The following SCEL variants were observed in gnomAD, a reference collection of about 807,000 sequenced individuals.
The protein encoded by SCEL is sciellin.
Under a neutral mutation model 117.6 loss-of-function variants are expected in SCEL, and 113 were observed. The observed-to-expected ratio is 0.96, with a 90% CI of 0.83 to 1.12. SCEL has a LOEUF of 1.12. SCEL is among the 50% of genes most tolerant of loss of function. The probability of loss-of-function intolerance (pLI) is 0.00; values close to 1 mark genes in which losing one functional copy is unlikely to be tolerated. For synonymous variants in SCEL, 270 were observed against 256.2 expected (o/e 1.05, Z -0.51); for missense variants, 785 against 810.8 (o/e 0.97, Z 0.39).
intron 1 of SCEL, among the ~76,000 whole-genome samples, chr13:77,555,531 G>A (rs1238694560): frequency 6.6e-6 from 1 of 152,140 alleles, no homozygotes; most frequent in Non-Finnish European, 1.5e-5. Flanking sequence ...CCAGCACCAG[G>A]CTCAGTGCCA....
intron 10 of SCEL, among the ~76,000 whole-genome samples, chr13:77,589,916 T>C (rs1345953095): frequency 6.6e-6 from 1 of 152,130 alleles, no homozygotes; most frequent in Non-Finnish European, 1.5e-5. Context: ...ATTTAAACTG[T>C]TTAATATATC....
At chr13:77,620,994 C>T (rs1386864875) in intron 27 of SCEL, among the ~76,000 whole-genome samples, 1 of 151,990 alleles carries the variant, frequency 6.6e-6, no homozygotes, top group Non-Finnish European at 1.5e-5. Flanking sequence ...TGTTTCATTC[C>T]CCATAATCAA....
chr13:77,575,126 C>T (rs754520939), intron 9 of SCEL, among the ~76,000 whole-genome samples: 26 of 152,210 alleles, frequency 1.7e-4, no homozygotes, highest in Non-Finnish European at 3.5e-4. Flanking sequence ...TCCCATCTCT[C>T]ATTTGTCCCT....
chr13:77,590,001 G>A (rs1198290641), intron 10 of SCEL, among the ~76,000 whole-genome samples: 1 of 152,094 alleles, frequency 6.6e-6, no homozygotes, highest in Non-Finnish European at 1.5e-5. Context: ...ACTCAACGGA[G>A]ATTGACTACA....
chr13:77,581,723 C>T (rs936319127), intron 9 of SCEL, among the ~76,000 whole-genome samples: 1 of 152,198 alleles, frequency 6.6e-6, no homozygotes, highest in African/African-American at 2.4e-5. Context: ...CACCATTTCT[C>T]CTAGTATTGC....
At chr13:77,593,295 T>TGTGTGTGC (rs796907419) in intron 11 of SCEL, among the ~76,000 whole-genome samples, 10 of 136,882 alleles carry the variant, frequency 7.3e-5, no homozygotes, top group East Asian at 2.1e-4. Context: ...TGTGTGTGTG[T>TGTGTGTGC]GTCTGTGTGT....
chr13:77,614,027 T>G, intron 24 of SCEL, 72 bp downstream of exon 24: 1 of 1,208,848 alleles, frequency 8.3e-7, no homozygotes, highest in Non-Finnish European at 1.2e-6. Flanking sequence ...TGATTTAGAA[T>G]TATTCTATGG....
rs539964100 is a variant in SCEL at position 77,615,429 on chromosome 13, A to T, written c.1451+1474A>T. On this transcript the variant is annotated intron_variant, in intron 24 of 32. Transcript: ENST00000349847. Reference sequence around the variant, plus strand: ...ATAGGAGTGTTGCTCTTGCTGTGGGATGGCCAGGACGTGTTTTTTACTGTT... The same window carrying T: ...ATAGGAGTGTTGCTCTTGCTGTGGGTTGGCCAGGACGTGTTTTTTACTGTT... 2.6e-5 allele frequency among the ~76,000 whole-genome samples: 4 copies of T among 152,220 alleles called. No individual in the cohort carries two copies. In the South Asian group the frequency reaches 8.3e-4, roughly 32 times the overall value.
chr13:77,559,731 G>A, intron 3 of SCEL, 73 bp from the exon 4 acceptor site: 4 of 1,357,640 alleles, frequency 2.9e-6, no homozygotes, highest in East Asian at 2.3e-5. Flanking sequence ...TCGCCCGCAT[G>A]TCTCTCTCAT....
At chr13:77,632,178 A>C (rs138800219) in intron 28 of SCEL, among the ~76,000 whole-genome samples, 113 of 152,298 alleles carry the variant, frequency 7.4e-4, no homozygotes, top group African/African-American at 2.6e-3. Flanking sequence ...TAAACATGTA[A>C]ATTTTGGGGG....
Position 77,550,531 on chromosome 13 carries a change from C to T in SCEL, c.-19-5326C>T, listed in dbSNP as rs2084256535. Among the ~76,000 whole-genome samples, 4 of 152,062 alleles carry T rather than the reference C, an allele frequency of 2.6e-5. No homozygotes were observed. The South Asian group carries it at 8.3e-4, about 32-fold the overall frequency. ...TAGCAGTCACTCTTCATTCACCTCTCCCCTTAACCCCTGGAAAACACTAAT... is the reference window on the plus strand; with the variant it reads ...TAGCAGTCACTCTTCATTCACCTCTTCCCTTAACCCCTGGAAAACACTAAT... On this transcript the variant is annotated intron_variant, in intron 1 of 32. Transcript: ENST00000349847.
chr13:77,575,641 G>A (rs1052154497), intron 9 of SCEL, among the ~76,000 whole-genome samples: 4 of 152,252 alleles, frequency 2.6e-5, no homozygotes, highest in East Asian at 1.9e-4. Context: ...AAATGTTCAC[G>A]AGAGAATCTA....
intron 27 of SCEL, among the ~76,000 whole-genome samples, chr13:77,619,016 T>C (rs1243070924): frequency 6.6e-6 from 1 of 152,214 alleles, no homozygotes; most frequent in Non-Finnish European, 1.5e-5. Flanking sequence ...TAATAAGTAA[T>C]AGATAATGCA....
chr13:77,550,294 G>A (rs1394716507), intron 1 of SCEL, among the ~76,000 whole-genome samples: 2 of 151,522 alleles, frequency 1.3e-5, no homozygotes, highest in Non-Finnish European at 2.9e-5. Flanking sequence ...GCTGAGGCAC[G>A]AGAATTACTT....
intron 4 of SCEL, among the ~76,000 whole-genome samples, chr13:77,562,114 T>G (rs570194126): frequency 6.6e-6 from 1 of 152,120 alleles, no homozygotes; most frequent in Non-Finnish European, 1.5e-5. Flanking sequence ...CATCAGTAGC[T>G]GTGTTAAGAG....
At chr13:77,634,223 G>C (rs1317334013) in intron 28 of SCEL, among the ~76,000 whole-genome samples, 156 bp from the exon 29 acceptor site, 1 of 152,190 alleles carries the variant, frequency 6.6e-6, no homozygotes, top group Non-Finnish European at 1.5e-5. Context: ...AATTTTTGCA[G>C]TGCTGTGTTA....
intron 1 of SCEL, among the ~76,000 whole-genome samples, chr13:77,554,176 C>T (rs2084514085): frequency 1.3e-5 from 2 of 152,148 alleles, no homozygotes; most frequent in Admixed American, 1.3e-4. Context: ...GGTTGAACTA[C>T]AGCCGGATCC....
At position 77,640,726 on chromosome 13, in the gene SCEL, T is replaced by C; in HGVS notation, c.1889T>C (p.Val630Ala). Residue 630 changes from valine (V) to alanine (A), a missense_variant, in exon 31 of 33, where the codon GTA (valine) becomes GCA (alanine). Physicochemically the swap from Val to Ala is moderately conservative, Grantham distance 64. Coordinates refer to ENST00000349847, the MANE Select transcript of SCEL (RefSeq NM_144777.3). ...ACTTACTGCCGAAAACCCTTGGGTGTAGAAACTAAAATGATTTTAGATGAA... is the reference window on the plus strand; with the variant it reads ...ACTTACTGCCGAAAACCCTTGGGTGCAGAAACTAAAATGATTTTAGATGAA... ...MCTYCRKPLG[V>A]ETKMILDELQ... 6.2e-7 allele frequency: 1 copy of C among 1,608,084 alleles called. No individual in the cohort carries two copies. Among genetic ancestry groups the C allele is most frequent in the South Asian group, 1.1e-5 (1 of 90,478 alleles).
intron 24 of SCEL, 129 bp downstream of exon 24, chr13:77,614,084 G>C: frequency 1.3e-6 from 1 of 771,708 alleles, no homozygotes; most frequent in South Asian, 1.7e-5. Flanking sequence ...TGGAAACCTA[G>C]ATGTCTCAGT....
Sources: allele counts gnomAD v4.1 joint callset (sites outside exome capture counted in the v4.1 genomes callset), GRCh38; gene constraint gnomAD v4.1.1; transcripts MANE v1.5; gene names NCBI Gene and HGNC (gene_info 2026-07-23, HGNC 2026-07-21).